The following WRN variants were observed in gnomAD, a reference collection of about 807,000 sequenced individuals.
WRN encodes the protein WRN RecQ like helicase, also known as bifunctional 3'-5' exonuclease/ATP-dependent helicase WRN.
A neutral mutation model predicts 180.7 loss-of-function variants in WRN; 149 were observed. The ratio of observed to expected loss-of-function variants is 0.82; its 90% CI spans 0.72 to 0.94. WRN has a LOEUF of 0.94. Among genes scored for constraint, WRN ranks in the 40% least tolerant of loss-of-function variants. The probability of loss-of-function intolerance (pLI) is 0.00; values close to 1 mark genes in which losing one functional copy is unlikely to be tolerated. For missense variants in WRN, 1,661 were observed against 1,700.1 expected (o/e 0.98, Z 0.40); for synonymous variants, 548 against 568.9 (o/e 0.96, Z 0.52).
At chr8:31,118,334 T>G (rs1248663047) in intron 20 of WRN, among the ~76,000 whole-genome samples, 1 of 152,086 alleles carries the variant, frequency 6.6e-6, no homozygotes, top group Non-Finnish European at 1.5e-5. Context: ...TATGGTTTTT[T>G]CTCCCTACGT....
At chr8:31,131,184 C>CTTTTTTTTTTTT (rs1563370058) in intron 23 of WRN, among the ~76,000 whole-genome samples, 2 of 18,518 alleles carry the variant, frequency 1.1e-4, no homozygotes, top group African/African-American at 1.6e-4. Context: ...CAGAGTTTTG[C>CTTTTTTTTTTTT]TCTTGTCACC....
chr8:31,112,942 A>G (rs889749433), intron 19 of WRN, among the ~76,000 whole-genome samples: 1 of 152,000 alleles, frequency 6.6e-6, no homozygotes, highest in African/African-American at 2.4e-5. Flanking sequence ...ATGGTGTCTC[A>G]CACCCAGAAT....
chr8:31,034,760 C>T (rs1017148911), intron 1 of WRN, among the ~76,000 whole-genome samples: 1 of 152,070 alleles, frequency 6.6e-6, no homozygotes, highest in African/African-American at 2.4e-5. Context: ...TTTTTAAAGG[C>T]GAAGGGGAAG....
chr8:31,143,055 A>ACACACACACACAG, intron 27 of WRN, among the ~76,000 whole-genome samples: 1 of 19,108 alleles, frequency 5.2e-5, no homozygotes, highest in Non-Finnish European at 1.7e-4. Flanking sequence ...ACACACACAC[A>ACACACACACACAG]TTCTCTCTCT....
intron 27 of WRN, 99 bp downstream of exon 27, chr8:31,142,800 A>G: frequency 9.1e-7 from 1 of 1,096,092 alleles, no homozygotes; most frequent in Non-Finnish European, 1.3e-6. Context: ...TAAAGAGAAA[A>G]TGGCATATAT....
chr8:31,100,588 A>C (rs1254826159), intron 17 of WRN, among the ~76,000 whole-genome samples: 1 of 152,248 alleles, frequency 6.6e-6, no homozygotes, highest in Non-Finnish European at 1.5e-5. Flanking sequence ...TAGTGATGAA[A>C]GCTGAGATCC....
intron 1 of WRN, among the ~76,000 whole-genome samples, chr8:31,043,267 A>G (rs767473691): frequency 1.3e-5 from 2 of 152,178 alleles, no homozygotes; most frequent in Admixed American, 6.5e-5. Context: ...GAGTCCCGAA[A>G]TTTGTTGCAA....
Position 31,146,682 on chromosome 8 carries a change from C to T in WRN, c.3384-371C>T, listed in dbSNP as rs139398580. On this transcript the variant is annotated intron_variant, in intron 28 of 34. Transcript: ENST00000298139. ...CATTGTTTCCCAGTAGGTTAAGAAA[C>T]CTTGGTTAAAACCTGTTGTATCCCA... is the stretch of plus-strand genomic sequence containing the variant. Among the ~76,000 whole-genome samples the T allele has an allele frequency of 8.5e-5, 13 of 152,230 alleles. No individual in the cohort carries two copies. The East Asian group carries it at 2.3e-3, about 27-fold the overall frequency.
chr8:31,039,910 A>T (rs1811584647), intron 1 of WRN, among the ~76,000 whole-genome samples: 1 of 152,172 alleles, frequency 6.6e-6, no homozygotes, highest in Admixed American at 6.5e-5. Context: ...CACTTATGTT[A>T]TATAGTCCTT....
chr8:31,064,994 G>A lies in WRN; in HGVS notation c.435G>A (p.Trp145Ter), dbSNP rs1323704066. The A allele has an allele frequency of 6.2e-7, 1 of 1,613,718 alleles. No individual in the cohort carries two copies. Among genetic ancestry groups the A allele is most frequent in the Admixed American group, 1.7e-5 (1 of 60,014 alleles). ...KAGVGIEGDQ[W>*]KLLRDFDIKL... is the part of the protein sequence containing the mutation. ...GTGTAGGAATTGAAGGAGATCAGTG[G>A]AAACTTCTACGTGACTTTGATATCA... Residue 145 changes from tryptophan to a stop codon, truncating the protein, a stop_gained, in exon 5 of 35, where the codon TGG becomes TGA. Coordinates refer to ENST00000298139, the MANE Select transcript of WRN (RefSeq NM_000553.6). LOFTEE classifies it high-confidence loss of function.
intron 6 of WRN, 69 bp from the exon 7 acceptor site, chr8:31,068,189 A>C: frequency 8.5e-7 from 1 of 1,173,638 alleles, no homozygotes; most frequent in African/African-American, 1.5e-5. Flanking sequence ...GATTTTTCTG[A>C]AGATGGGACT....
intron 20 of WRN, among the ~76,000 whole-genome samples, chr8:31,117,783 T>C (rs1028769394): frequency 6.6e-6 from 1 of 152,196 alleles, no homozygotes; most frequent in Non-Finnish European, 1.5e-5. Context: ...CTACACATAG[T>C]CATGCTGTAA....
chr8:31,043,477 G>T (rs574537196), intron 1 of WRN, among the ~76,000 whole-genome samples: 1 of 152,166 alleles, frequency 6.6e-6, no homozygotes, highest in Non-Finnish European at 1.5e-5. Flanking sequence ...TTGGGATGGG[G>T]TGAGGAGGGC....
chr8:31,044,277 G>A (rs1047894682), intron 1 of WRN, among the ~76,000 whole-genome samples: 2 of 146,238 alleles, frequency 1.4e-5, no homozygotes, highest in African/African-American at 5.0e-5. Flanking sequence ...TCCTGACCTT[G>A]TTATCTGCCC....
intron 1 of WRN, among the ~76,000 whole-genome samples, chr8:31,037,433 T>C (rs1043033256): frequency 1.3e-5 from 2 of 152,186 alleles, no homozygotes; most frequent in South Asian, 2.1e-4. Context: ...CTGGTACTAA[T>C]CTGTGGCCCT....
At chr8:31,097,298 A>G (rs892647808) in intron 17 of WRN, among the ~76,000 whole-genome samples, 9 of 152,266 alleles carry the variant, frequency 5.9e-5, no homozygotes, top group African/African-American at 2.2e-4. Flanking sequence ...GTTCATAAGA[A>G]TCACTTTTCA....
chr8:31,046,676 T>C (rs949297508), intron 1 of WRN, among the ~76,000 whole-genome samples: 2 of 152,132 alleles, frequency 1.3e-5, no homozygotes, highest in African/African-American at 2.4e-5. Flanking sequence ...AAGATAGAGG[T>C]ATGAGATCTT....
rs151143960 is a variant in WRN at position 31,150,359 on chromosome 8, C to A, written c.3591C>A (p.Asn1197Lys). 3 of 1,613,856 alleles carry A rather than the reference C, an allele frequency of 1.9e-6. No homozygotes were observed. Among genetic ancestry groups the A allele is most frequent in the Non-Finnish European group, 1.7e-6 (2 of 1,179,978 alleles). Reference protein sequence around the residue: ...MAKMRPTTVENVKRIDGVSEG... With the variant: ...MAKMRPTTVEKVKRIDGVSEG... ...AACACAGACCAACTACGGTTGAAAA[C>A]GTAAAAAGGATTGATGGTGTTTCTG... Residue 1197 changes from asparagine to lysine, a missense_variant, in exon 31 of 35, where the codon AAC (asparagine) becomes AAA (lysine). Asn to Lys is a moderately conservative substitution (Grantham distance 94). Transcript: ENST00000298139.
At position 31,157,389 on chromosome 8, in the gene WRN, A is replaced by G. The variant is rs1356728247; in HGVS notation, c.3841A>G (p.Ile1281Val). 1 of 1,614,086 alleles carries G rather than the reference A, an allele frequency of 6.2e-7. No individual in the cohort carries two copies. Among genetic ancestry groups the G allele is most frequent in the Non-Finnish European group, 8.5e-7 (1 of 1,180,014 alleles). ...CTAGAAGAGCATAGCTGAGAGCAGG[A>G]TTCTGCCTCTCATGACAATTGGCAT... ...MPLKSIAESR[I>V]LPLMTIGMHL... is the part of the protein sequence containing the mutation. The change falls in exon 33 of 35, where the codon ATT becomes GTT. Residue 1281 changes from isoleucine to valine, a missense_variant. Ile to Val is a conservative substitution (Grantham distance 29, BLOSUM62 3). This residue lies in a region of WRN where 1,141 missense variants were observed against 1,149.4 expected (regional missense o/e 0.99). Transcript: ENST00000298139.
Sources: gnomAD v4.1 joint callset for allele counts (sites outside exome capture counted in the v4.1 genomes callset) on GRCh38, gnomAD v4.1.1 for gene constraint, gnomAD v4.1.1 regional missense constraint, MANE v1.5 for transcripts, NCBI Gene and HGNC (gene_info 2026-07-23, HGNC 2026-07-21) for gene names.